The following FAM186A variants were observed in gnomAD, a reference collection of about 807,000 sequenced individuals.
The protein encoded by FAM186A is family with sequence similarity 186 member A, also known as protein FAM186A.
In FAM186A, 163 loss-of-function variants were observed where a neutral mutation model predicts 216.8. The ratio of observed to expected loss-of-function variants is 0.75; its 90% CI spans 0.66 to 0.86. FAM186A has a LOEUF of 0.86. Among genes scored for constraint, FAM186A ranks in the 40% least tolerant of loss-of-function variants. The pLI is 0.00. For missense variants in FAM186A, 2,184 were observed against 2,746.2 expected (o/e 0.80, Z 4.58); for synonymous variants, 805 against 1,025.3 (o/e 0.79, Z 4.10).
rs1265500206 is a variant in FAM186A, at chr12:50,354,069, G to C, written c.2763C>G (p.Ser921Arg). The C allele has an allele frequency of 6.4e-7, 1 of 1,551,620 alleles. No homozygotes were observed. Reference sequence around the variant, plus strand: ...GGGTCCCTTCTTCCAGCCGCTGCAGGCTTGACTTTGGAAGCTCTTCTTCCT... The same window carrying C: ...GGGTCCCTTCTTCCAGCCGCTGCAGCCTTGACTTTGGAAGCTCTTCTTCCT... ...GQEEEELPKS[S>R]LQRLEEGTQK... is the part of the protein sequence containing the mutation. The change falls in exon 4 of 8, where the codon AGC becomes AGG. Residue 921 changes from serine to arginine, a missense_variant. By Grantham distance (110) the Ser-to-Arg change is moderately radical (BLOSUM62 -1). Transcript: ENST00000327337.
In FAM186A at chr12:50,353,917, T is replaced by C. The variant is rs1325426198; in HGVS notation, c.2915A>G (p.Glu972Gly). Residue 972 changes from glutamate (E) to glycine (G), a missense_variant, in exon 4 of 8, where the codon GAG becomes GGG. By Grantham distance (98) the Glu-to-Gly change is moderately conservative. Coordinates refer to ENST00000327337, the MANE Select transcript of FAM186A (RefSeq NM_001145475.3). ...CCTTTCGAGGTCCTCTAGCCCTCTC[T>C]CTGGCTTCTGCTTTTCCTTCCCTTT... ...REKGKEKQKP[E>G]RGLEDLERQI... The C allele has an allele frequency of 1.9e-6, 3 of 1,553,278 alleles. No individual in the cohort carries two copies. The highest frequency in any genetic ancestry group is 1.7e-6 in the Non-Finnish European group (2 of 1,147,902).
At position 50,363,197 on chromosome 12, in the gene FAM186A, A is replaced by C. The variant is rs1424546964; in HGVS notation, c.360T>G (p.Ile120Met). The C allele has an allele frequency of 6.4e-7, 1 of 1,551,446 alleles. No individual in the cohort carries two copies. Among genetic ancestry groups the C allele is most frequent in the South Asian group, 1.2e-5 (1 of 84,048 alleles). The stretch of plus-strand genomic sequence containing the variant: ...TGGCAAGAGTCTTTTCTCTTATTTC[A>C]ATAGTCTTAGCGTAAGTAGCCATTT... The part of the protein sequence containing the change: ...LEKMATYAKT[I>M]EIREKTLANI... The change falls in exon 2 of 8, where the codon ATT becomes ATG. Residue 120 changes from isoleucine (I) to methionine (M), a missense_variant. Transcript: ENST00000327337.
At chr12:50,371,750 TA>T (rs1244559894) in intron 1 of FAM186A, among the ~76,000 whole-genome samples, 1 of 152,216 alleles carries the variant, frequency 6.6e-6, no homozygotes, top group Middle Eastern at 3.2e-3. Flanking sequence ...TATTCACACT[TA>T]AAACTATTGT....
At chr12:50,375,086 G>A (rs4768905) in intron 1 of FAM186A, among the ~76,000 whole-genome samples, 125,522 of 152,104 alleles carry the variant, frequency 0.83, 54,127 homozygotes, top group Non-Finnish European at 0.95. Flanking sequence ...GCTGAGGCAT[G>A]AGAATCGCTT....
intron 3 of FAM186A, among the ~76,000 whole-genome samples, chr12:50,357,433 C>A (rs1013863653): frequency 7.2e-6 from 1 of 139,844 alleles, no homozygotes; most frequent in Non-Finnish European, 1.5e-5. Flanking sequence ...ACCTGGGAAG[C>A]GGCGGTTGCG....
chr12:50,356,609 C>A (rs1942979769), intron 3 of FAM186A, among the ~76,000 whole-genome samples: 1 of 152,174 alleles, frequency 6.6e-6, no homozygotes, highest in Non-Finnish European at 1.5e-5. Flanking sequence ...CAGTACCTGG[C>A]AATCACCTAG....
At chr12:50,348,446 C>T (rs1942842910) in intron 4 of FAM186A, among the ~76,000 whole-genome samples, 1 of 152,108 alleles carries the variant, frequency 6.6e-6, no homozygotes, top group Admixed American at 6.5e-5. Context: ...TGGTCTCGAA[C>T]TCCTGACCTC....
intron 1 of FAM186A, among the ~76,000 whole-genome samples, chr12:50,368,065 A>G (rs910129069): frequency 1.3e-5 from 2 of 151,974 alleles, no homozygotes; most frequent in Admixed American, 6.6e-5. Context: ...GAATCACTTG[A>G]ACCTGGGAGG....
chr12:50,373,506 G>A (rs1943169581), intron 1 of FAM186A, among the ~76,000 whole-genome samples: 1 of 152,192 alleles, frequency 6.6e-6, no homozygotes, highest in Non-Finnish European at 1.5e-5. Flanking sequence ...GCGTTACCCT[G>A]ATATCAAAAT....
rs189163465 is a variant in FAM186A at position 50,375,823 on chromosome 12, G to A, written c.193-12459C>T. Among the ~76,000 whole-genome samples, 257 of 152,050 alleles carry A rather than the reference G, an allele frequency of 1.7e-3. 2 individuals are homozygous for A. The highest frequency in any genetic ancestry group is 5.9e-3 in the African/African-American group (246 of 41,500). On this transcript the variant is annotated intron_variant, in intron 1 of 7. Transcript: ENST00000327337. ...CCAGCCAGAAACCTCTGTGGCCAGC[G>A]ACGCCTCTGCTTGAGTTTTGCTCAT...
intron 4 of FAM186A, among the ~76,000 whole-genome samples, chr12:50,336,589 G>C (rs930682135): frequency 6.6e-6 from 1 of 152,132 alleles, no homozygotes; most frequent in African/African-American, 2.4e-5. Flanking sequence ...ACTAAAGTTT[G>C]AAAACCATTG....
chr12:50,342,389 G>A (rs1942772068), intron 4 of FAM186A, among the ~76,000 whole-genome samples: 1 of 151,790 alleles, frequency 6.6e-6, no homozygotes, highest in South Asian at 2.1e-4. Flanking sequence ...TGACAGGAAT[G>A]CAATGATGGT....
intron 1 of FAM186A, among the ~76,000 whole-genome samples, chr12:50,370,678 C>T (rs995089078): frequency 6.6e-6 from 1 of 152,006 alleles, no homozygotes; most frequent in Admixed American, 6.6e-5. Context: ...TAAGCAGGGT[C>T]CCTAAGAAAT....
At chr12:50,346,253 G>GAAAGAAAGAAAGAAAGAAAGAAAC (rs1172860985) in intron 4 of FAM186A, among the ~76,000 whole-genome samples, 1 of 150,200 alleles carries the variant, frequency 6.7e-6, no homozygotes, top group Non-Finnish European at 1.5e-5. Flanking sequence ...AAGAAAGAAA[G>GAAAGAAAGAAAGAAAGAAAGAAAC]AAAGAAAGAA....
chr12:50,352,109 G>A lies in FAM186A; in HGVS notation c.4723C>T (p.Leu1575=), dbSNP rs1324946139. ...TGCTGAGGGGTGAGAGGGATCCCCA[G>A]GGCCTGGGCCTGCTGAGGGGTGAGA... ...IPLTPQQAQA[L]GIPLTPQQAQ... The change falls in exon 4 of 8, where the codon CTG becomes TTG. Residue 1575 remains leucine (L), a synonymous_variant. Transcript: ENST00000327337. 5.2e-6 allele frequency: 8 copies of A among 1,532,836 alleles called. No individual in the cohort carries two copies. Among genetic ancestry groups the A allele is most frequent in the Admixed American group, 2.0e-5 (1 of 49,568 alleles). 95.0% of individuals were successfully genotyped at this position (1,532,836 alleles called of 1,614,324 possible).
At chr12:50,390,622 C>T (rs1943348314) in intron 1 of FAM186A, among the ~76,000 whole-genome samples, 1 of 152,110 alleles carries the variant, frequency 6.6e-6, no homozygotes, top group African/African-American at 2.4e-5. Flanking sequence ...TCCACCTTGC[C>T]TTTGGTGGTT....
rs897223489 is a variant in FAM186A, at chr12:50,334,056, C to G, written c.6551G>C (p.Gly2184Ala). Residue 2184 changes from glycine (G) to alanine (A), a missense_variant, in exon 5 of 8, where the codon GGC becomes GCC. Transcript: ENST00000327337. ...CATGTGGAGGTTCCTGGCCTCATAG[C>G]CTTTCCCAGTATTTTGGATGGCTTT... Reference protein sequence around the residue: ...RLKAIQNTGKGYEARNLHMML... With the variant: ...RLKAIQNTGKAYEARNLHMML... 1.4e-5 allele frequency: 22 copies of G among 1,550,254 alleles called. No individual in the cohort carries two copies. The highest frequency in any genetic ancestry group is 1.8e-5 in the Non-Finnish European group (21 of 1,146,684).
intron 1 of FAM186A, among the ~76,000 whole-genome samples, chr12:50,390,861 T>A (rs1943350496): frequency 6.6e-6 from 1 of 152,094 alleles, no homozygotes; most frequent in South Asian, 2.1e-4. Flanking sequence ...GGCTAATTGT[T>A]GTATGTTTTG....
chr12:50,329,315 C>T (rs1201103147), intron 7 of FAM186A, among the ~76,000 whole-genome samples: 1 of 151,994 alleles, frequency 6.6e-6, no homozygotes, highest in African/African-American at 2.4e-5. Context: ...ACAATATTAT[C>T]TCTCAAAATA....
Sources: allele counts gnomAD v4.1 joint callset (sites outside exome capture counted in the v4.1 genomes callset), GRCh38; gene constraint gnomAD v4.1.1; transcripts MANE v1.5; gene names NCBI Gene and HGNC (gene_info 2026-07-23, HGNC 2026-07-21).